The following PPEF1 variants were observed in gnomAD, a reference collection of about 807,000 sequenced individuals.
The protein encoded by PPEF1 is serine/threonine-protein phosphatase with EF-hands 1.
Under a neutral mutation model 53.3 loss-of-function variants are expected in PPEF1, and 12 were observed. The observed-to-expected ratio is 0.23, with a 90% CI of 0.14 to 0.36. PPEF1 has a LOEUF of 0.36. PPEF1 is among the 10% of genes least tolerant of loss of function. The probability of loss-of-function intolerance (pLI) is 1.00; values close to 1 mark genes in which losing one functional copy is unlikely to be tolerated. For missense variants in PPEF1, 334 were observed against 490.4 expected (o/e 0.68, Z 3.01); for synonymous variants, 165 against 176.7 (o/e 0.93, Z 0.52).
At chrX:18,744,841 A>G in intron 3 of PPEF1, among the ~76,000 whole-genome samples, 1 of 107,379 alleles carries the variant, frequency 9.3e-6, no homozygotes, top group Middle Eastern at 4.8e-3. Flanking sequence ...AGTGCTTTAA[A>G]TACATCATTT....
intron 9 of PPEF1, among the ~76,000 whole-genome samples, chrX:18,785,957 A>G (rs993627383): frequency 8.9e-6 from 1 of 112,220 alleles, no homozygotes; most frequent in Non-Finnish European, 1.9e-5. Context: ...TATATCAGTG[A>G]GTAATCAAGC....
chrX:18,769,507 T>C (rs1251955596), intron 6 of PPEF1, among the ~76,000 whole-genome samples: 1 of 111,316 alleles, frequency 9.0e-6, no homozygotes, highest in Non-Finnish European at 1.9e-5. Flanking sequence ...AGTGGTGACC[T>C]CCTATCGCTG....
intron 1 of PPEF1, among the ~76,000 whole-genome samples, chrX:18,717,963 G>A (rs2044495765): frequency 9.0e-6 from 1 of 111,553 alleles, no homozygotes; most frequent in African/African-American, 3.3e-5. Flanking sequence ...CTTTGTAAAA[G>A]GAGACCATTT....
chrX:18,744,157 C>T (rs905717657), intron 3 of PPEF1, among the ~76,000 whole-genome samples: 2 of 112,141 alleles, frequency 1.8e-5, no homozygotes, highest in Middle Eastern at 4.6e-3. Context: ...TCCCAAAGTG[C>T]TGGGATTACA....
chrX:18,762,977 G>C (rs1272470029), intron 6 of PPEF1, among the ~76,000 whole-genome samples: 4 of 111,692 alleles, frequency 3.6e-5, no homozygotes, highest in African/African-American at 1.3e-4. Flanking sequence ...ATTTCTGTAA[G>C]TGGCTCCAGG....
intron 4 of PPEF1, among the ~76,000 whole-genome samples, chrX:18,750,360 GTC>G (rs1239619828): frequency 2.7e-5 from 3 of 111,293 alleles, no homozygotes; most frequent in Non-Finnish European, 3.8e-5. Flanking sequence ...TCTATTTTCT[GTC>G]TCTATGGATT....
At chrX:18,701,898 T>C (rs1930148043) in intron 6 of PPEF1, among the ~76,000 whole-genome samples, 2 of 112,646 alleles carry the variant, frequency 1.8e-5, no homozygotes, top group Non-Finnish European at 3.8e-5. Flanking sequence ...ATTACAATCA[T>C]GTCTGATATA....
At chrX:18,726,058 T>C (rs1361806444) in intron 1 of PPEF1, among the ~76,000 whole-genome samples, 1 of 110,894 alleles carries the variant, frequency 9.0e-6, no homozygotes, top group African/African-American at 3.3e-5. Context: ...TAGTAGGCAT[T>C]CAAGAAATGG....
chrX:18,706,818 CTTTTTTTT>C (rs767459911), upstream of PPEF1, among the ~76,000 whole-genome samples: 4 of 46,299 alleles, frequency 8.6e-5, no homozygotes, highest in Non-Finnish European at 1.2e-4. Context: ...TTCAAACCTC[CTTTTTTTT>C]TTTTTTTTTT....
At chrX:18,789,907 T>C (rs2046294279) in intron 10 of PPEF1, among the ~76,000 whole-genome samples, 1 of 112,492 alleles carries the variant, frequency 8.9e-6, no homozygotes, top group South Asian at 3.7e-4. Context: ...AGCCATCACA[T>C]ACAAGTTTTT....
At chrX:18,685,633 C>T (rs990469818) in intron 2 of PPEF1, among the ~76,000 whole-genome samples, 38 of 99,332 alleles carry the variant, frequency 3.8e-4, no homozygotes, top group East Asian at 2.8e-3. Context: ...TGCAGTGAGC[C>T]GAGATCTCGC....
At chrX:18,706,818 CTTTTTTTTTTTTTTT>C (rs767459911), upstream of PPEF1, among the ~76,000 whole-genome samples, 1 of 46,299 alleles carries the variant, frequency 2.2e-5, no homozygotes, top group Admixed American at 2.7e-4. Context: ...TTCAAACCTC[CTTTTTTTTTTTTTTT>C]TTTTTTTTTT....
chrX:18,727,879 C>T (rs372663202), intron 1 of PPEF1, among the ~76,000 whole-genome samples: 4 of 111,707 alleles, frequency 3.6e-5, no homozygotes, highest in South Asian at 3.7e-4. Context: ...ATGCATAGGG[C>T]GAGGCAAGGG....
At chrX:18,816,424 A>G (rs2046917141) in intron 12 of PPEF1, among the ~76,000 whole-genome samples, 1 of 111,982 alleles carries the variant, frequency 8.9e-6, no homozygotes, top group Non-Finnish European at 1.9e-5. Context: ...ATCCTTTTAA[A>G]TCTATTAAGG....
At chrX:18,756,934 G>C (rs752330285) in intron 4 of PPEF1, among the ~76,000 whole-genome samples, 2 of 111,735 alleles carry the variant, frequency 1.8e-5, no homozygotes, top group South Asian at 7.6e-4. Context: ...ATGTGGCTGG[G>C]GGTGGTGGCT....
At chrX:18,726,306 T>C (rs1480502418) in intron 1 of PPEF1, among the ~76,000 whole-genome samples, 1 of 110,054 alleles carries the variant, frequency 9.1e-6, no homozygotes, top group East Asian at 2.8e-4. Context: ...TGAGCCGAGA[T>C]CGTGGCTCTG....
chrX:18,789,337 A>G, intron 10 of PPEF1, 64 bp downstream of exon 10: 2 of 1,045,442 alleles, frequency 1.9e-6, no homozygotes, highest in East Asian at 3.1e-5. Flanking sequence ...TGTCCCTTAC[A>G]ATATATAGAT....
chrX:18,747,055 G>A (rs1463160744), intron 3 of PPEF1, among the ~76,000 whole-genome samples: 1 of 111,294 alleles, frequency 9.0e-6, no homozygotes, highest in Non-Finnish European at 1.9e-5. Context: ...GGTTCAACTG[G>A]GCAGGGGTTG....
chrX:18,784,697 A>T (rs998996958), intron 9 of PPEF1, among the ~76,000 whole-genome samples: 10 of 111,060 alleles, frequency 9.0e-5, no homozygotes, highest in Non-Finnish European at 1.1e-4. Context: ...CACATAATAC[A>T]CATCAAATAA....
Sources: gnomAD v4.1 joint callset for allele counts (sites outside exome capture counted in the v4.1 genomes callset) on GRCh38, gnomAD v4.1.1 for gene constraint, MANE v1.5 for transcripts, NCBI Gene and HGNC (gene_info 2026-07-23, HGNC 2026-07-21) for gene names.